Variants in ZFR observed in about 807,000 individuals in gnomAD.
ZFR encodes the protein zinc finger RNA-binding protein.
A neutral mutation model predicts 130.7 loss-of-function variants in ZFR; 19 were observed. That is an observed-to-expected ratio of 0.15 (90% CI 0.10 to 0.21). The LOEUF is 0.21. Among genes scored for constraint, ZFR ranks in the 10% least tolerant of loss-of-function variants. The pLI is 1.00. For synonymous variants in ZFR, 466 were observed against 456.9 expected (o/e 1.02, Z -0.25); for missense variants, 872 against 1,321.5 (o/e 0.66, Z 5.27).
intron 17 of ZFR, among the ~76,000 whole-genome samples, chr5:32,370,089 A>ATTTTTTTT: frequency 8.2e-6 from 1 of 121,930 alleles, no homozygotes. Flanking sequence ...ACAGTGGCAG[A>ATTTTTTTT]TTTTTTTTTT....
intron 15 of ZFR, 58 bp downstream of exon 15, chr5:32,385,450 G>C: frequency 4.4e-6 from 7 of 1,588,030 alleles, no homozygotes; most frequent in Middle Eastern, 3.4e-4. Flanking sequence ...CCATCTTAAA[G>C]AGTAGATAAA....
intron 12 of ZFR, among the ~76,000 whole-genome samples, chr5:32,389,750 G>A (rs890188665): frequency 2.0e-5 from 3 of 152,164 alleles, no homozygotes; most frequent in East Asian, 1.9e-4. Context: ...AGCATATACC[G>A]AAAATAAGAA....
intron 17 of ZFR, among the ~76,000 whole-genome samples, chr5:32,372,867 C>A (rs1215529386): frequency 6.6e-6 from 1 of 151,596 alleles, no homozygotes; most frequent in Non-Finnish European, 1.5e-5. Flanking sequence ...AAAAAAGGAA[C>A]AAAATGACTG....
chr5:32,438,276 T>C (rs1754386915), intron 2 of ZFR, among the ~76,000 whole-genome samples: 1 of 129,618 alleles, frequency 7.7e-6, no homozygotes, highest in South Asian at 2.5e-4. Flanking sequence ...TTTTTTTTTT[T>C]TTTTGAGACG....
intron 17 of ZFR, among the ~76,000 whole-genome samples, chr5:32,372,414 A>G (rs896712692): frequency 1.4e-4 from 22 of 152,170 alleles, no homozygotes; most frequent in African/African-American, 4.8e-4. Flanking sequence ...TGGGAACTCT[A>G]TATGGTTGAC....
intron 13 of ZFR, 92 bp from the exon 14 acceptor site, chr5:32,387,791 T>C (rs1279612683): frequency 1.1e-4 from 141 of 1,302,332 alleles, no homozygotes; most frequent in Non-Finnish European, 1.4e-4. Flanking sequence ...AAATAACTTT[T>C]GTGCCATTAA....
At chr5:32,440,657 A>C (rs1287259307) in intron 2 of ZFR, among the ~76,000 whole-genome samples, 4 of 152,202 alleles carry the variant, frequency 2.6e-5, no homozygotes, top group Non-Finnish European at 5.9e-5. Context: ...AAAAACAAAA[A>C]AAAAAACAAA....
intron 11 of ZFR, among the ~76,000 whole-genome samples, chr5:32,393,472 T>A (rs531924043): frequency 3.3e-5 from 5 of 152,182 alleles, no homozygotes; most frequent in African/African-American, 1.2e-4. Flanking sequence ...GCCTCCTGAG[T>A]AGCCGGAATT....
At chr5:32,423,194 G>A (rs1012971240) in intron 2 of ZFR, among the ~76,000 whole-genome samples, 26 of 152,072 alleles carry the variant, frequency 1.7e-4, no homozygotes, top group African/African-American at 6.0e-4. Context: ...TTAGCCGCGT[G>A]TCGTGGCATG....
At chr5:32,425,627 A>T (rs1227343753) in intron 2 of ZFR, among the ~76,000 whole-genome samples, 5 of 152,152 alleles carry the variant, frequency 3.3e-5, no homozygotes, top group African/African-American at 1.2e-4. Flanking sequence ...TCCTAGGTCA[A>T]GCAGTTTTCC....
At chr5:32,358,138 G>C in intron 19 of ZFR, among the ~76,000 whole-genome samples, 1 of 152,154 alleles carries the variant, frequency 6.6e-6, no homozygotes, top group South Asian at 2.1e-4. Context: ...TGGAAGGATC[G>C]CTTAAGTCAG....
In ZFR at chr5:32,390,256, C is replaced by A; in HGVS notation, c.2142+19G>T. Reference sequence around the variant, plus strand: ...CCAGTCAAACTTTCACCCCTTGTATCACCAACGTGGACACTCACTGCAGGC... The same window carrying A: ...CCAGTCAAACTTTCACCCCTTGTATAACCAACGTGGACACTCACTGCAGGC... On this transcript the variant is annotated intron_variant, in intron 12 of 19. Transcript: ENST00000265069. 6.2e-7 allele frequency: 1 copy of A among 1,602,170 alleles called. No homozygotes were observed. The highest frequency in any genetic ancestry group is 8.5e-7 in the Non-Finnish European group (1 of 1,171,288).
intron 4 of ZFR, among the ~76,000 whole-genome samples, chr5:32,416,918 T>TC (rs1753840507): frequency 6.6e-6 from 1 of 151,146 alleles, no homozygotes; most frequent in Non-Finnish European, 1.5e-5. Flanking sequence ...TTTTTTCTTT[T>TC]TTTTTTTATT....
In ZFR at chr5:32,403,345, T is replaced by G; in HGVS notation, c.1277A>C (p.Asn426Thr). Residue 426 changes from asparagine (N) to threonine (T), a missense_variant, in exon 8 of 20, where the codon AAT becomes ACT. This residue lies in a region of ZFR where 143 missense variants were observed against 137.9 expected (regional missense o/e 1.04). Transcript: ENST00000265069. ...LGKPIPSTEPNVVSQATSSTA... is the reference protein window; with the variant it reads ...LGKPIPSTEPTVVSQATSSTA... ...TGAAGAAGTAGCTTGGCTAACAACA[T>G]TTGGTTCTGTTGATGGAATGGGTTT... 6.2e-7 allele frequency: 1 copy of G among 1,614,200 alleles called. No homozygotes were observed.
At chr5:32,373,748 A>G (rs1178154534) in intron 17 of ZFR, among the ~76,000 whole-genome samples, 1 of 152,232 alleles carries the variant, frequency 6.6e-6, no homozygotes, top group African/African-American at 2.4e-5. Flanking sequence ...TTAAATGTCA[A>G]AATACTGACA....
intron 19 of ZFR, among the ~76,000 whole-genome samples, chr5:32,363,013 A>C (rs73757223): frequency 0.044 from 6,644 of 152,318 alleles, 154 homozygotes; most frequent in Middle Eastern, 0.075. Flanking sequence ...CAGCGAATGC[A>C]TAAGAATTTG....
At chr5:32,427,707 T>C (rs1203430208) in intron 2 of ZFR, among the ~76,000 whole-genome samples, 1 of 152,086 alleles carries the variant, frequency 6.6e-6, no homozygotes, top group Non-Finnish European at 1.5e-5. Flanking sequence ...TAGAACAAAG[T>C]TGGAAGTCTC....
In ZFR at chr5:32,395,317, A is replaced by G. The variant is rs200504471; in HGVS notation, c.1834-13T>C. On this transcript the variant is annotated splice_polypyrimidine_tract_variant and intron_variant, in intron 10 of 19. Transcript: ENST00000265069. ...GATTTACTTTTTTCTATTAATATAAATAAGACATTTAAAAAACAGCAGCCC... is the reference window on the plus strand; with the variant it reads ...GATTTACTTTTTTCTATTAATATAAGTAAGACATTTAAAAAACAGCAGCCC... The G allele has an allele frequency of 2.5e-5, 38 of 1,528,714 alleles. No individual in the cohort carries two copies. The highest frequency in any genetic ancestry group is 2.9e-5 in the Non-Finnish European group (33 of 1,142,478). 94.7% of individuals were successfully genotyped at this position (1,528,714 alleles called of 1,614,324 possible).
intron 5 of ZFR, among the ~76,000 whole-genome samples, chr5:32,409,409 T>C (rs1173944372): frequency 9.2e-5 from 14 of 152,054 alleles, no homozygotes; most frequent in Admixed American, 9.2e-4. Flanking sequence ...TTATATTTTC[T>C]ATTCTCCACC....
Sources: allele counts gnomAD v4.1 joint callset (sites outside exome capture counted in the v4.1 genomes callset), GRCh38; gene constraint gnomAD v4.1.1; regional missense constraint gnomAD v4.1.1; transcripts MANE v1.5; gene names NCBI Gene and HGNC (gene_info 2026-07-23, HGNC 2026-07-21).